The following ZNF722 variants were observed in gnomAD, a reference collection of about 807,000 sequenced individuals.
The protein encoded by ZNF722 is zinc finger protein 479 pseudogene.
the ZNF722 span, among the ~76,000 whole-genome samples, chr7:64,012,334 C>G: frequency 6.6e-6 from 1 of 152,132 alleles, no homozygotes; most frequent in African/African-American, 2.4e-5. Flanking sequence ...AGGCTGTGAT[C>G]CTTTGGAGGA....
At chr7:63,999,191 G>A in the ZNF722 span, among the ~76,000 whole-genome samples, 2 of 152,148 alleles carry the variant, frequency 1.3e-5, no homozygotes, top group Non-Finnish European at 2.9e-5. Context: ...TGGGACCCTG[G>A]GAGTTCTGTC....
At chr7:64,003,276 G>C in the ZNF722 span, among the ~76,000 whole-genome samples, 1 of 149,962 alleles carries the variant, frequency 6.7e-6, no homozygotes. Context: ...TTATGGAGAA[G>C]CTCATTGTTC....
chr7:63,999,969 T>A, the ZNF722 span, among the ~76,000 whole-genome samples: 2 of 152,118 alleles, frequency 1.3e-5, no homozygotes. Context: ...GCATTTGCAT[T>A]ACAGGCGTGA....
At chr7:64,007,653 T>C in the ZNF722 span, among the ~76,000 whole-genome samples, 1 of 152,194 alleles carries the variant, frequency 6.6e-6, no homozygotes, top group African/African-American at 2.4e-5. Context: ...TATGGACATT[T>C]GGGTTGGTTC....
chr7:64,008,074 A>G, the ZNF722 span, among the ~76,000 whole-genome samples: 1 of 152,112 alleles, frequency 6.6e-6, no homozygotes, highest in Non-Finnish European at 1.5e-5. Flanking sequence ...TCCTTTGCCC[A>G]GTTTTTGATG....
the ZNF722 span, among the ~76,000 whole-genome samples, chr7:64,009,789 A>G: frequency 6.6e-6 from 1 of 152,056 alleles, no homozygotes; most frequent in African/African-American, 2.4e-5. Flanking sequence ...CTCTTTTTCT[A>G]TTGATTGGAA....
the ZNF722 span, among the ~76,000 whole-genome samples, chr7:64,016,949 G>C: frequency 1.3e-5 from 2 of 152,130 alleles, no homozygotes; most frequent in Non-Finnish European, 2.9e-5. Flanking sequence ...AATGAAGAAT[G>C]TGGCAAAACT....
At chr7:64,004,145 A>T in the ZNF722 span, among the ~76,000 whole-genome samples, 1 of 151,924 alleles carries the variant, frequency 6.6e-6, no homozygotes, top group Non-Finnish European at 1.5e-5. Context: ...TCAGGCTTGT[A>T]ATCCCGGCAC....
At chr7:64,015,354 C>G in the ZNF722 span, 1 of 1,446,134 alleles carries the variant, frequency 6.9e-7, no homozygotes, top group Non-Finnish European at 9.6e-7. Context: ...GTTTTGCATG[C>G]CTTCACACCT....
the ZNF722 span, among the ~76,000 whole-genome samples, chr7:64,004,423 A>ATATATATATAT: frequency 6.5e-5 from 4 of 61,712 alleles, no homozygotes; most frequent in South Asian, 5.8e-4. Flanking sequence ...AAAAAAAAAA[A>ATATATATATAT]AAATATATAT....
At chr7:64,007,246 A>ATATATATATATATATT in the ZNF722 span, among the ~76,000 whole-genome samples, 3 of 145,628 alleles carry the variant, frequency 2.1e-5, no homozygotes, top group African/African-American at 8.0e-5. Flanking sequence ...ATATATATAT[A>ATATATATATATATATT]TATATATATT....
At chr7:64,015,757 G>T in the ZNF722 span, 1 of 1,613,298 alleles carries the variant, frequency 6.2e-7, no homozygotes, top group Non-Finnish European at 8.5e-7. Flanking sequence ...GAAGAATGTG[G>T]CAGAGCCTTT....
chr7:64,016,409 G>T, the ZNF722 span, among the ~76,000 whole-genome samples: 2 of 151,018 alleles, frequency 1.3e-5, no homozygotes, highest in Non-Finnish European at 3.0e-5. Context: ...AAACCTAAGA[G>T]AATTTATATT....
the ZNF722 span, among the ~76,000 whole-genome samples, chr7:64,002,332 G>A: frequency 6.6e-6 from 1 of 152,152 alleles, no homozygotes; most frequent in African/African-American, 2.4e-5. Flanking sequence ...ACTTTTTGAT[G>A]TGGATGTTTA....
At chr7:64,003,833 G>A in the ZNF722 span, among the ~76,000 whole-genome samples, 2 of 151,996 alleles carry the variant, frequency 1.3e-5, no homozygotes, top group African/African-American at 2.4e-5. Context: ...ATTTCTATTG[G>A]GGAAACACAG....
chr7:64,004,425 A>AAAAAAAAAAAAAATAT, the ZNF722 span, among the ~76,000 whole-genome samples: 2 of 61,120 alleles, frequency 3.3e-5, no homozygotes, highest in Non-Finnish European at 5.5e-5. Flanking sequence ...AAAAAAAAAA[A>AAAAAAAAAAAAAATAT]ATATATATAT....
the ZNF722 span, among the ~76,000 whole-genome samples, chr7:64,002,932 TTTCTC>T: frequency 2.0e-5 from 3 of 152,234 alleles, no homozygotes; most frequent in Non-Finnish European, 2.9e-5. Flanking sequence ...CTGTGCCTGC[TTTCTC>T]TCGCTAATGC....
chr7:64,012,030 A>G, the ZNF722 span, among the ~76,000 whole-genome samples: 20 of 152,022 alleles, frequency 1.3e-4, no homozygotes, highest in South Asian at 4.1e-4. Flanking sequence ...TTGATCTTCA[A>G]TCACTGATAC....
the ZNF722 span, chr7:64,015,829 G>T: frequency 6.2e-7 from 1 of 1,605,982 alleles, no homozygotes; most frequent in East Asian, 2.2e-5. Flanking sequence ...CCCTACAAAT[G>T]TGAAGAATGT....
Sources: gnomAD v4.1 joint callset for allele counts (sites outside exome capture counted in the v4.1 genomes callset) on GRCh38, gnomAD v4.1.1 for gene constraint, MANE v1.5 for transcripts, NCBI Gene and HGNC (gene_info 2026-07-23, HGNC 2026-07-21) for gene names.